Variants in ANXA6 observed in about 807,000 individuals in gnomAD.
ANXA6 encodes annexin A6.
A neutral mutation model predicts 95.4 loss-of-function variants in ANXA6; 71 were observed. The ratio of observed to expected loss-of-function variants is 0.74; its 90% confidence interval spans 0.61 to 0.91. The LOEUF (loss-of-function observed/expected upper bound fraction) is 0.91. ANXA6 is among the 40% of genes least tolerant of loss of function. The pLI is 0.00. For synonymous variants in ANXA6, 289 were observed against 315.9 expected (o/e 0.91, Z 0.90); for missense variants, 830 against 876.4 (o/e 0.95, Z 0.67).
Position 151,119,486 on chromosome 5 carries a change from C to T in ANXA6, c.1348-96G>A, listed in dbSNP as rs1765101355. ...ACGGCTAAAGCTCAGGCCAAGCATT[C>T]CTGGATTTTCTCCTCACCTCCAGAC... On this transcript the variant is annotated intron_variant, in intron 17 of 25. Coordinates refer to ENST00000354546, the MANE Select transcript of ANXA6 (RefSeq NM_001155.5). 4.8e-6 allele frequency: 5 copies of T among 1,048,178 alleles called. No individual in the cohort carries two copies. The Admixed American group carries it at 7.6e-5, about 16-fold the overall frequency. 64.9% of individuals were successfully genotyped at this position (1,048,178 alleles called of 1,614,324 possible).
intron 23 of ANXA6, 127 bp downstream of exon 23, chr5:151,108,327 CT>C (rs1219858302): frequency 3.5e-6 from 3 of 846,730 alleles, no homozygotes; most frequent in Non-Finnish European, 6.0e-6. Context: ...GGCAGCACCC[CT>C]GGAGGCGAAC....
chr5:151,117,875 A>G (rs764605233), intron 18 of ANXA6, 38 bp from the exon 19 acceptor site: 2 of 1,575,510 alleles, frequency 1.3e-6, no homozygotes, highest in Non-Finnish European at 1.7e-6. Flanking sequence ...GCTGCTGGCC[A>G]AGAAGGATTT....
chr5:151,119,380 G>C lies in ANXA6; in HGVS notation c.1358C>G (p.Thr453Arg). 1 of 1,613,824 alleles carries C rather than the reference G, an allele frequency of 6.2e-7. No homozygotes were observed. Among genetic ancestry groups the C allele is most frequent in the South Asian group, 1.1e-5 (1 of 91,078 alleles). The part of the protein sequence containing the change: ...QLKKAMEGAG[T>R]DEKALIEILA... The stretch of plus-strand genomic sequence containing the variant: ...GATTTCAATAAGAGCCTTTTCATCT[G>C]TGCCGGCTCCCTGGAATGTCAAGGC... Residue 453 changes from threonine (T) to arginine (R), a missense_variant, in exon 18 of 26, where the codon ACA (threonine) becomes AGA (arginine). By Grantham distance (71) the Thr-to-Arg change is moderately conservative (BLOSUM62 -1). Coordinates refer to ENST00000354546, the MANE Select transcript of ANXA6 (RefSeq NM_001155.5).
intron 17 of ANXA6, among the ~76,000 whole-genome samples, chr5:151,119,641 T>G (rs932374360): frequency 1.3e-5 from 2 of 152,226 alleles, no homozygotes; most frequent in Non-Finnish European, 2.9e-5. Context: ...TAGGCGTGTG[T>G]GTATAACACC....
chr5:151,156,751 T>C (rs1766247176), intron 1 of ANXA6, among the ~76,000 whole-genome samples: 1 of 152,164 alleles, frequency 6.6e-6, no homozygotes, highest in African/African-American at 2.4e-5. Flanking sequence ...CTACAAGGGT[T>C]GTGCCAGGCT....
chr5:151,135,448 G>T (rs554939175), intron 7 of ANXA6, among the ~76,000 whole-genome samples: 55 of 152,294 alleles, frequency 3.6e-4, no homozygotes, highest in African/African-American at 1.3e-3. Flanking sequence ...GAACAGAGTT[G>T]GGAGGAGCTG....
At chr5:151,107,429 G>A (rs751968952) in intron 23 of ANXA6, among the ~76,000 whole-genome samples, 1 of 152,088 alleles carries the variant, frequency 6.6e-6, no homozygotes, top group Non-Finnish European at 1.5e-5. Flanking sequence ...GCTTTTATTC[G>A]TCGGGCTATC....
chr5:151,105,389 T>TCGTC, intron 23 of ANXA6, 86 bp from the exon 24 acceptor site: 1 of 1,198,414 alleles, frequency 8.3e-7, no homozygotes, highest in Non-Finnish European at 1.2e-6. Flanking sequence ...TCTCCCCACC[T>TCGTC]CGTCTATCCC....
At chr5:151,124,926 T>A (rs181221015) in intron 14 of ANXA6, among the ~76,000 whole-genome samples, 1 of 152,244 alleles carries the variant, frequency 6.6e-6, no homozygotes, top group East Asian at 1.9e-4. Flanking sequence ...TCTGTCTACT[T>A]AAATGCATCA....
chr5:151,139,026 G>T (rs1430229580), intron 4 of ANXA6: 8 of 596,950 alleles, frequency 1.3e-5, no homozygotes, highest in Non-Finnish European at 2.4e-5. Context: ...CAGGTCCACA[G>T]CCCTGTGCCA....
Position 151,128,061 on chromosome 5 carries a change from G to A in ANXA6, c.977+120C>T, listed in dbSNP as rs574115386. 2.7e-5 allele frequency: 23 copies of A among 860,140 alleles called. No individual in the cohort carries two copies. In the East Asian group the frequency reaches 5.1e-4, roughly 19 times the overall value. The allele number at this position is 860,140 out of a possible 1,614,324, so 53.3% of individuals were successfully genotyped here. A position where few individuals can be genotyped will look rare whatever the true frequency, so the allele number is the denominator to read the frequency against. On this transcript the variant is annotated intron_variant, in intron 13 of 25. Coordinates refer to ENST00000354546, the MANE Select transcript of ANXA6 (RefSeq NM_001155.5). ...AAAAGCCGCCTTTCACTTGTGCGAC[G>A]CTCCTGGCTCAGGGGAATCCCCAGC... is the stretch of plus-strand genomic sequence containing the variant.
chr5:151,119,165 A>C, intron 18 of ANXA6, 135 bp downstream of exon 18: 1 of 711,108 alleles, frequency 1.4e-6, no homozygotes, highest in East Asian at 2.6e-5. Context: ...GGGCACACCC[A>C]AGAGGCTTAT....
At chr5:151,140,545 G>A (rs1765801633) in intron 2 of ANXA6, 1 of 206,678 alleles carries the variant, frequency 4.8e-6, no homozygotes. Context: ...TATAGGAGAT[G>A]AAAATGATCC....
At chr5:151,149,324 A>G (rs2113958467) in intron 1 of ANXA6, among the ~76,000 whole-genome samples, 1 of 152,294 alleles carries the variant, frequency 6.6e-6, no homozygotes. Context: ...GTAAAAATAA[A>G]TGCAAAAAGA....
intron 2 of ANXA6, among the ~76,000 whole-genome samples, chr5:151,142,795 C>G (rs1035007010): frequency 2.0e-5 from 3 of 152,200 alleles, no homozygotes; most frequent in African/African-American, 4.8e-5. Flanking sequence ...GGCACTGGAT[C>G]CCTAGCAATG....
intron 25 of ANXA6, among the ~76,000 whole-genome samples, chr5:151,102,491 G>C (rs1418676238): frequency 1.3e-5 from 2 of 152,142 alleles, no homozygotes; most frequent in South Asian, 2.1e-4. Context: ...ATCACTTGAG[G>C]TCAGGAGCTA....
chr5:151,123,084 T>C (rs1765218228), intron 15 of ANXA6, 73 bp from the exon 16 acceptor site: 1 of 1,268,362 alleles, frequency 7.9e-7, no homozygotes, highest in Non-Finnish European at 1.1e-6. Context: ...CGCCCACTGA[T>C]GGCCCCTCAT....
At position 151,129,697 on chromosome 5, in the gene ANXA6, T is replaced by TTTG. The variant is rs1554085369; in HGVS notation, c.796-169_796-168insCAA. 8.7e-5 allele frequency among the ~76,000 whole-genome samples: 13 copies of TTTG among 149,292 alleles called. No homozygotes were observed. The East Asian group carries it at 2.1e-3, about 24-fold the overall frequency. ...AGCTCTCTCTATGCTCCTCTTACTG[T>TTTG]TTTGTTTGTTTGTTTGTTTGTTTGT... On this transcript the variant is annotated intron_variant, in intron 11 of 25. Coordinates refer to ENST00000354546, the MANE Select transcript of ANXA6 (RefSeq NM_001155.5).
At chr5:151,140,272 G>T (rs372050213) in intron 2 of ANXA6, 29 bp from the exon 3 acceptor site, 2 of 1,598,352 alleles carry the variant, frequency 1.3e-6, no homozygotes, top group Middle Eastern at 1.7e-4. Context: ...AGGGTGAGCT[G>T]CCAACCCCGG....
Sources: allele counts gnomAD v4.1 joint callset (sites outside exome capture counted in the v4.1 genomes callset), GRCh38; gene constraint gnomAD v4.1.1; transcripts MANE v1.5; gene names NCBI Gene and HGNC (gene_info 2026-07-23, HGNC 2026-07-21).